The following LZTS1 variants were observed in gnomAD, a reference collection of about 807,000 sequenced individuals.
LZTS1 encodes the protein leucine zipper tumor suppressor 1, also known as leucine zipper putative tumor suppressor 1.
In LZTS1, 31 loss-of-function variants were observed where a neutral mutation model predicts 45.8. The ratio of observed to expected loss-of-function variants is 0.68; its 90% CI spans 0.51 to 0.91. The LOEUF (loss-of-function observed/expected upper bound fraction) is 0.91. Ranked by LOEUF, LZTS1 falls within the 40% of genes least tolerant of loss-of-function variation. The probability of loss-of-function intolerance (pLI) is 0.00; values close to 1 mark genes in which losing one functional copy is unlikely to be tolerated. For synonymous variants in LZTS1, 359 were observed against 357.3 expected (o/e 1.00, Z -0.05); for missense variants, 821 against 788.9 (o/e 1.04, Z -0.49).
At chr8:20,299,706 G>A (rs762680873) in intron 1 of LZTS1, among the ~76,000 whole-genome samples, 1 of 152,092 alleles carries the variant, frequency 6.6e-6, no homozygotes, top group Non-Finnish European at 1.5e-5. Flanking sequence ...AAAGGAGATG[G>A]AAGGAGAATC....
chr8:20,260,144 C>G (rs1563866637), intron 1 of LZTS1, among the ~76,000 whole-genome samples: 7 of 152,154 alleles, frequency 4.6e-5, no homozygotes, highest in Admixed American at 3.3e-4. Flanking sequence ...TCAAGCTATC[C>G]TCCCACCTTG....
chr8:20,301,622 A>C (rs543403677), intron 1 of LZTS1, among the ~76,000 whole-genome samples: 2 of 152,310 alleles, frequency 1.3e-5, no homozygotes, highest in African/African-American at 4.8e-5. Context: ...AGGATTAGAA[A>C]GCCATTTATA....
At chr8:20,276,040 A>G (rs1458628725) in intron 1 of LZTS1, 3 of 152,128 alleles carry the variant, frequency 2.0e-5, no homozygotes, top group Non-Finnish European at 4.4e-5. Context: ...GTAGCCCCCT[A>G]CCTACTCCCC....
chr8:20,256,319 C>T (rs73669755), intron 1 of LZTS1, among the ~76,000 whole-genome samples: 4,342 of 152,210 alleles, frequency 0.029, 97 homozygotes, highest in South Asian at 0.056. Context: ...GCTCAAAGAG[C>T]TCTGGCTTTG....
chr8:20,269,023 T>C (rs1027403437), intron 1 of LZTS1, among the ~76,000 whole-genome samples: 3 of 152,060 alleles, frequency 2.0e-5, no homozygotes, highest in Admixed American at 6.6e-5. Flanking sequence ...GCTTGTGTCT[T>C]AGCAGCATTG....
chr8:20,262,272 C>T (rs947130244), intron 1 of LZTS1, among the ~76,000 whole-genome samples: 5 of 152,166 alleles, frequency 3.3e-5, no homozygotes, highest in African/African-American at 1.2e-4. Context: ...TTAGTCATTT[C>T]TTCAACAAAT....
At chr8:20,287,452 C>T (rs369103565) in intron 1 of LZTS1, among the ~76,000 whole-genome samples, 3 of 152,212 alleles carry the variant, frequency 2.0e-5, no homozygotes, top group Non-Finnish European at 2.9e-5. Context: ...CTCGTTCTTT[C>T]GCTCCCACCC....
At chr8:20,257,860 G>T (rs757477748) in intron 1 of LZTS1, among the ~76,000 whole-genome samples, 4 of 152,036 alleles carry the variant, frequency 2.6e-5, no homozygotes, top group Non-Finnish European at 5.9e-5. Context: ...TTTTAGTAGA[G>T]ATGGGGTTTT....
At chr8:20,258,215 TTTAATA>T (rs1800150574) in intron 1 of LZTS1, among the ~76,000 whole-genome samples, 1 of 152,140 alleles carries the variant, frequency 6.6e-6, no homozygotes, top group Non-Finnish European at 1.5e-5. Flanking sequence ...AAGCCACAAG[TTTAATA>T]AAACAGGAGA....
Position 20,303,798 on chromosome 8 carries a change from G to A in LZTS1, c.-193C>T. The A allele has an allele frequency of 1.0e-6, 1 of 984,718 alleles. No individual in the cohort carries two copies. 61.0% of individuals were successfully genotyped at this position (984,718 alleles called of 1,614,324 possible). On this transcript the variant is annotated 5_prime_UTR_variant, in exon 1 of 4. Transcript: ENST00000381569. ...TTTTTTTTTCCCAGTGTTTCCCGGT[G>A]TGTTCCCGTCTCTCTTTTTCCAGAG...
intron 1 of LZTS1, among the ~76,000 whole-genome samples, chr8:20,271,331 C>T (rs1800471093): frequency 6.6e-6 from 1 of 152,168 alleles, no homozygotes; most frequent in South Asian, 2.1e-4. Context: ...TTCCACTCTC[C>T]TGGAGTCTGT....
chr8:20,280,989 T>C (rs1445679368), intron 1 of LZTS1, among the ~76,000 whole-genome samples: 2 of 152,222 alleles, frequency 1.3e-5, no homozygotes, highest in African/African-American at 4.8e-5. Flanking sequence ...TTTCAAATCA[T>C]TCCCCAGGGC....
Position 20,249,799 on chromosome 8 carries a change from T to G in LZTS1, c.1714A>C (p.Ser572Arg), listed in dbSNP as rs759103466. The part of the protein sequence containing the change: ...KALQQLARGD[S>R]AGEPLEVDLE... ...TCAACCTCCAAGGGCTCCCCGGCGC[T>G]GTCCCCACGTGCCAGCTGCTGCAGG... Residue 572 changes from serine (S) to arginine (R), a missense_variant, in exon 4 of 4, where the codon AGC becomes CGC. Transcript: ENST00000381569. The G allele has an allele frequency of 1.4e-5, 23 of 1,613,998 alleles. No individual in the cohort carries two copies. The highest frequency in any genetic ancestry group is 1.6e-4 in the Middle Eastern group (1 of 6,084).
intron 1 of LZTS1, among the ~76,000 whole-genome samples, chr8:20,271,054 CTGAGTG>C (rs1336167989): frequency 1.3e-5 from 2 of 152,004 alleles, no homozygotes; most frequent in African/African-American, 4.8e-5. Flanking sequence ...CTGTGTGTGC[CTGAGTG>C]TATTTTTGTG....
chr8:20,266,910 C>T (rs1800368924), intron 1 of LZTS1, among the ~76,000 whole-genome samples: 1 of 152,000 alleles, frequency 6.6e-6, no homozygotes, highest in African/African-American at 2.4e-5. Flanking sequence ...GAGTTCAAGA[C>T]CAGCCTGGGC....
In LZTS1 at chr8:20,249,427, C is replaced by T. The variant is rs1799821097; in HGVS notation, c.*295G>A. ...GAGGAGGGGGAGAGGATATCTATTTCGAACAAAGGCCAAAGTTTAGGGAGC... is the reference window on the plus strand; with the variant it reads ...GAGGAGGGGGAGAGGATATCTATTTTGAACAAAGGCCAAAGTTTAGGGAGC... On this transcript the variant is annotated 3_prime_UTR_variant, in exon 4 of 4. Coordinates refer to ENST00000381569, the MANE Select transcript of LZTS1 (RefSeq NM_021020.5). 3 of 361,078 alleles carry T rather than the reference C, an allele frequency of 8.3e-6. No homozygotes were observed. Among genetic ancestry groups the T allele is most frequent in the South Asian group, 6.0e-5 (1 of 16,566 alleles). 22.4% of individuals were successfully genotyped at this position (361,078 alleles called of 1,614,324 possible).
intron 1 of LZTS1, among the ~76,000 whole-genome samples, chr8:20,283,354 T>C (rs149085203): frequency 1.6e-4 from 25 of 152,252 alleles, no homozygotes; most frequent in African/African-American, 4.8e-4. Flanking sequence ...CCTTCCACCA[T>C]CTGAAGACAT....
At chr8:20,281,014 T>C (rs28485611) in intron 1 of LZTS1, among the ~76,000 whole-genome samples, 10,276 of 152,250 alleles carry the variant, frequency 0.067, 1,127 homozygotes, top group African/African-American at 0.23. Context: ...GTGGCTGCAA[T>C]GGCAGCAAGA....
intron 1 of LZTS1, among the ~76,000 whole-genome samples, chr8:20,291,075 C>G (rs1363089330): frequency 1.3e-5 from 2 of 152,242 alleles, no homozygotes; most frequent in East Asian, 3.8e-4. Context: ...GAGCTGAGTC[C>G]TGACCTCAGG....
Sources: allele counts gnomAD v4.1 joint callset (sites outside exome capture counted in the v4.1 genomes callset), GRCh38; gene constraint gnomAD v4.1.1; transcripts MANE v1.5; gene names NCBI Gene and HGNC (gene_info 2026-07-23, HGNC 2026-07-21).